RNASEH2C: variants seen among roughly 807,000 people sequenced by gnomAD.
The protein encoded by RNASEH2C is ribonuclease H2 subunit C.
RNASEH2C carries 20 observed loss-of-function variants against 16.3 expected under a neutral mutation model. The observed-to-expected ratio is 1.23, with a 90% confidence interval of 0.86 to 1.79. The LOEUF (loss-of-function observed/expected upper bound fraction) is 1.79, where lower values mean the gene tolerates loss of function less well. Among genes scored for constraint, RNASEH2C ranks in the 40% most tolerant of loss-of-function variants. The pLI is 0.00. For missense variants in RNASEH2C, 296 were observed against 235.9 expected (o/e 1.25, Z -1.67); for synonymous variants, 106 against 98.9 (o/e 1.07, Z -0.43).
At position 65,719,483 on chromosome 11, in the gene RNASEH2C, C is replaced by T; in HGVS notation, c.*300G>A. 1.6e-6 allele frequency: 1 copy of T among 608,674 alleles called. No individual in the cohort carries two copies. The highest frequency in any genetic ancestry group is 2.9e-6 in the Non-Finnish European group (1 of 345,372). 37.7% of individuals were successfully genotyped at this position (608,674 alleles called of 1,614,324 possible). ...GGATGGGGGAGCTCTGTACAGAGGG[C>T]TGGTGATTGTAAAAATTTCTTTTGT... On this transcript the variant is annotated 3_prime_UTR_variant, in exon 4 of 4. Coordinates refer to ENST00000308418, the MANE Select transcript of RNASEH2C (RefSeq NM_032193.4).
chr11:65,720,254 C>T lies in RNASEH2C; in HGVS notation c.336G>A (p.Leu112=), dbSNP rs762686846. ...SGTDDQEEEP[L]ERDFDRFIGA... ...TCCCTTTGCTCACGAAGTCCCGCTC[C>T]AGCGGCTCCTCCTCTTGGTCGTCAG... Residue 112 remains leucine, a synonymous_variant, in exon 2 of 4, where the codon CTG becomes CTA. Coordinates refer to ENST00000308418, the MANE Select transcript of RNASEH2C (RefSeq NM_032193.4). 4 of 1,614,156 alleles carry T rather than the reference C, an allele frequency of 2.5e-6. No homozygotes were observed. Among genetic ancestry groups the T allele is most frequent in the African/African-American group, 2.7e-5 (2 of 74,960 alleles).
Position 65,719,234 on chromosome 11 carries a change from C to G in RNASEH2C, c.*549G>C. Reference sequence around the variant, plus strand: ...ACGGCAGCAGGACTGGGGCTGATAGCCCACCCCGCCCCCACTGCAGCTCCC... The same window carrying G: ...ACGGCAGCAGGACTGGGGCTGATAGGCCACCCCGCCCCCACTGCAGCTCCC... On this transcript the variant is annotated 3_prime_UTR_variant, in exon 4 of 4. Transcript: ENST00000308418. 1 of 1,588,134 alleles carries G rather than the reference C, an allele frequency of 6.3e-7. No individual in the cohort carries two copies. The highest frequency in any genetic ancestry group is 8.6e-7 in the Non-Finnish European group (1 of 1,166,154).
Position 65,720,649 on chromosome 11 carries a change from G to C in RNASEH2C, c.110C>G (p.Ala37Gly). 1.3e-6 allele frequency: 2 copies of C among 1,577,972 alleles called. No individual in the cohort carries two copies. The highest frequency in any genetic ancestry group is 1.7e-6 in the Non-Finnish European group (2 of 1,165,962). ...CCCCACCGGGGCGGGCCCGTCCACC[G>C]CAACCTCGCAGGGCAGCAGATGCAG... ...ATLHLLPCEV[A>G]VDGPAPVGRF... The change falls in exon 1 of 4, where the codon GCG becomes GGG. Residue 37 changes from alanine (A) to glycine (G), a missense_variant. Ala to Gly is a moderately conservative substitution (Grantham distance 60). Transcript: ENST00000308418.
rs941076637 is a variant in RNASEH2C at position 65,720,412 on chromosome 11, C to T, written c.178G>A (p.Glu60Lys). ...PAIRQGPEGLEVSFRGRCLRG... is the reference protein window; with the variant it reads ...PAIRQGPEGLKVSFRGRCLRG... ...AGACAGCGGCCCCGAAACGACACTT[C>T]GAGTCCTGGAGCGGGAGGCGCAAAG... Residue 60 changes from glutamate to lysine, a missense_variant, in exon 2 of 4, where the codon GAA (glutamate) becomes AAA (lysine). Transcript: ENST00000308418. 8.7e-6 allele frequency: 14 copies of T among 1,613,788 alleles called. No homozygotes were observed. Among genetic ancestry groups the T allele is most frequent in the Admixed American group, 3.3e-5 (2 of 60,014 alleles).
Position 65,719,086 on chromosome 11 carries a change from G to C in RNASEH2C, c.*697C>G. 3 of 1,614,178 alleles carry C rather than the reference G, an allele frequency of 1.9e-6. No homozygotes were observed. Among genetic ancestry groups the C allele is most frequent in the Non-Finnish European group, 2.5e-6 (3 of 1,180,030 alleles). ...CACACTGTCAGAGGACATCGTGGAT[G>C]GCCATGAGCGGGCCATGCTCAAGCG... On this transcript the variant is annotated 3_prime_UTR_variant, in exon 4 of 4. Coordinates refer to ENST00000308418, the MANE Select transcript of RNASEH2C (RefSeq NM_032193.4).
rs771086438 is a variant in RNASEH2C at position 65,720,711 on chromosome 11, C to G, written c.48G>C (p.Leu16Phe). The G allele has an allele frequency of 6.3e-7, 1 of 1,597,418 alleles. No individual in the cohort carries two copies. Among genetic ancestry groups the G allele is most frequent in the East Asian group, 2.3e-5 (1 of 44,120 alleles). Residue 16 changes from leucine to phenylalanine, a missense_variant, in exon 1 of 4, where the codon TTG becomes TTC. Transcript: ENST00000308418. ...CGGCGTCGCGCAATGTGGCGGAGCGCAAGTGGACGCGGTGCCTCTCGATGG... is the reference window on the plus strand; with the variant it reads ...CGGCGTCGCGCAATGTGGCGGAGCGGAAGTGGACGCGGTGCCTCTCGATGG... ...EAAIERHRVH[L>F]RSATLRDAVP...
At position 65,718,411 on chromosome 11, in the gene RNASEH2C, G is replaced by A; in HGVS notation, c.*1372C>T. On this transcript the variant is annotated 3_prime_UTR_variant, in exon 4 of 4. Transcript: ENST00000308418. ...CTCCACTGTGCTCAGCGCACGGAAA[G>A]AGTGAATACTCAGTTCTTCCTGAGG... 1 of 665,708 alleles carries A rather than the reference G, an allele frequency of 1.5e-6. No individual in the cohort carries two copies. Among genetic ancestry groups the A allele is most frequent in the Non-Finnish European group, 2.6e-6 (1 of 379,504 alleles). 41.2% of individuals were successfully genotyped at this position (665,708 alleles called of 1,614,324 possible).
At position 65,720,379 on chromosome 11, in the gene RNASEH2C, C is replaced by G; in HGVS notation, c.211G>C (p.Glu71Gln). 2 of 1,614,218 alleles carry G rather than the reference C, an allele frequency of 1.2e-6. No individual in the cohort carries two copies. The highest frequency in any genetic ancestry group is 1.7e-6 in the Non-Finnish European group (2 of 1,180,052). ...VSFRGRCLRGEEVAVPPGLVG... is the reference protein window; with the variant it reads ...VSFRGRCLRGQEVAVPPGLVG... ...AGGCCAGGCGGCACCGCCACCTCCT[C>G]TCCCCGTAGACAGCGGCCCCGAAAC... is the stretch of plus-strand genomic sequence containing the variant. Residue 71 changes from glutamate (E) to glutamine (Q), a missense_variant, in exon 2 of 4, where the codon GAG (glutamate) becomes CAG (glutamine). Transcript: ENST00000308418.
intron 1 of RNASEH2C, 45 bp downstream of exon 1, chr11:65,720,542 C>T (rs1565213625): frequency 6.6e-7 from 1 of 1,526,382 alleles, no homozygotes; most frequent in Admixed American, 2.0e-5. Flanking sequence ...GCGCGCAGGC[C>T]GGCGCGGGGG....
Position 65,719,815 on chromosome 11 carries a change from A to C in RNASEH2C, c.469-6T>G, listed in dbSNP as rs1565212930. The stretch of plus-strand genomic sequence containing the variant: ...TCGGGCACCTGTGCGTGAATCTGCA[A>C]CAGGAGTCGCCTCTACTGTTGGACT... On this transcript the variant is annotated splice_region_variant and splice_polypyrimidine_tract_variant and intron_variant, in intron 3 of 3. Coordinates refer to ENST00000308418, the MANE Select transcript of RNASEH2C (RefSeq NM_032193.4). 1 of 1,614,150 alleles carries C rather than the reference A, an allele frequency of 6.2e-7. No homozygotes were observed. Among genetic ancestry groups the C allele is most frequent in the Non-Finnish European group, 8.5e-7 (1 of 1,180,022 alleles).
rs112903919 is a variant in RNASEH2C, at chr11:65,718,776, G to A, written c.*1007C>T. 2.5e-6 allele frequency: 4 copies of A among 1,613,982 alleles called. No homozygotes were observed. Among genetic ancestry groups the A allele is most frequent in the Non-Finnish European group, 2.5e-6 (3 of 1,179,962 alleles). On this transcript the variant is annotated 3_prime_UTR_variant, in exon 4 of 4. Coordinates refer to ENST00000308418, the MANE Select transcript of RNASEH2C (RefSeq NM_032193.4). ...TGAGCCTGGCGCTGTCTACCTGGGG[G>A]TACATGGCATGGCTTGTCTGTTCCT...
rs749020058 is a variant in RNASEH2C, at chr11:65,720,690, G to A, written c.69C>T (p.Asp23=). The A allele has an allele frequency of 7.8e-5, 124 of 1,587,052 alleles. No homozygotes were observed. The highest frequency in any genetic ancestry group is 5.6e-4 in the Middle Eastern group (3 of 5,348). The change falls in exon 1 of 4, where the codon GAC becomes GAT. Residue 23 remains aspartate (D), a synonymous_variant. Coordinates refer to ENST00000308418, the MANE Select transcript of RNASEH2C (RefSeq NM_032193.4). ...RVHLRSATLR[D]AVPATLHLLP... is the part of the protein sequence containing the mutation. ...GCAGATGCAGTGTGGCGGGTACGGC[G>A]TCGCGCAATGTGGCGGAGCGCAAGT... is the stretch of plus-strand genomic sequence containing the variant.
At position 65,717,910 on chromosome 11, in the gene RNASEH2C, CACTG is replaced by C; in HGVS notation, c.*1869_*1872del. 1 of 152,570 alleles carries C rather than the reference CACTG, an allele frequency of 6.6e-6. No individual in the cohort carries two copies. The highest frequency in any genetic ancestry group is 1.5e-5 in the Non-Finnish European group (1 of 68,368). 9.5% of individuals were successfully genotyped at this position (152,570 alleles called of 1,614,324 possible). A position where few individuals can be genotyped will look rare whatever the true frequency, so the allele number is the denominator to read the frequency against. Reference sequence around the variant, plus strand: ...GGTCCCTGACTGGGGAGAATGAAGACACTGACCAAGAGATGTGAAGCCACTCAGG... The same window carrying C: ...GGTCCCTGACTGGGGAGAATGAAGACACCAAGAGATGTGAAGCCACTCAGG... On this transcript the variant is annotated 3_prime_UTR_variant, in exon 4 of 4. Transcript: ENST00000308418.
At position 65,719,139 on chromosome 11, in the gene RNASEH2C, G is replaced by A. The variant is rs778146398; in HGVS notation, c.*644C>T. 1 of 1,614,190 alleles carries A rather than the reference G, an allele frequency of 6.2e-7. No individual in the cohort carries two copies. Among genetic ancestry groups the A allele is most frequent in the South Asian group, 1.1e-5 (1 of 91,084 alleles). On this transcript the variant is annotated 3_prime_UTR_variant, in exon 4 of 4. Transcript: ENST00000308418. ...TCCTGCGGATCGACTCCAAGTGTCTGCACTTCACTCCCAAGGACTGGAGCA... is the reference window on the plus strand; with the variant it reads ...TCCTGCGGATCGACTCCAAGTGTCTACACTTCACTCCCAAGGACTGGAGCA...
chr11:65,718,967 G>A lies in RNASEH2C; in HGVS notation c.*816C>T. ...CAACTACTACAAGGTAGGGAGGCAG[G>A]CAGGGGAGACAGGTGTGTGGGATGC... On this transcript the variant is annotated 3_prime_UTR_variant, in exon 4 of 4. Transcript: ENST00000308418. The A allele has an allele frequency of 1.2e-6, 2 of 1,614,130 alleles. No individual in the cohort carries two copies. The highest frequency in any genetic ancestry group is 1.7e-6 in the Non-Finnish European group (2 of 1,179,980).
Position 65,720,603 on chromosome 11 carries a change from G to A in RNASEH2C, c.156C>T (p.Ile52=). The change falls in exon 1 of 4, where the codon ATC becomes ATT. Residue 52 remains isoleucine, a synonymous_variant. Coordinates refer to ENST00000308418, the MANE Select transcript of RNASEH2C (RefSeq NM_032193.4). ...AGGGCTCACCCTCGGGGCCCTGGCG[G>A]ATGGCGGGCGTGAAGAAGCGCCCCA... ...APVGRFFTPA[I]RQGPEGLEVS... 1 of 1,540,830 alleles carries A rather than the reference G, an allele frequency of 6.5e-7. No individual in the cohort carries two copies. The highest frequency in any genetic ancestry group is 2.4e-5 in the East Asian group (1 of 40,990).
chr11:65,720,255 A>G lies in RNASEH2C; in HGVS notation c.335T>C (p.Leu112Pro). ...SGTDDQEEEP[L>P]ERDFDRFIGA... ...CCCTTTGCTCACGAAGTCCCGCTCC[A>G]GCGGCTCCTCCTCTTGGTCGTCAGT... The change falls in exon 2 of 4, where the codon CTG becomes CCG. Residue 112 changes from leucine (L) to proline (P), a missense_variant. Coordinates refer to ENST00000308418, the MANE Select transcript of RNASEH2C (RefSeq NM_032193.4). 6.2e-7 allele frequency: 1 copy of G among 1,614,214 alleles called. No individual in the cohort carries two copies. Among genetic ancestry groups the G allele is most frequent in the Non-Finnish European group, 8.5e-7 (1 of 1,180,032 alleles).
rs375915791 is a variant in RNASEH2C at position 65,720,160 on chromosome 11, C to G, written c.353G>C (p.Arg118Pro). The G allele has an allele frequency of 3.7e-6, 6 of 1,614,236 alleles. No homozygotes were observed. Among genetic ancestry groups the G allele is most frequent in the South Asian group, 1.1e-5 (1 of 91,086 alleles). Reference sequence around the variant, plus strand: ...GAAGTTGGCAGTGGCTCCAATGAAGCGGTCCTGGGGAAGGGGCCTGGCTCA... The same window carrying G: ...GAAGTTGGCAGTGGCTCCAATGAAGGGGTCCTGGGGAAGGGGCCTGGCTCA... The part of the protein sequence containing the change: ...EEEPLERDFD[R>P]FIGATANFSR... Residue 118 changes from arginine to proline, a missense_variant, in exon 3 of 4, where the codon CGC becomes CCC. By Grantham distance (103) the Arg-to-Pro change is moderately radical. Coordinates refer to ENST00000308418, the MANE Select transcript of RNASEH2C (RefSeq NM_032193.4).
chr11:65,719,919 AG>A (rs753419837), intron 3 of RNASEH2C, 110 bp from the exon 4 acceptor site: 2 of 1,601,076 alleles, frequency 1.2e-6, no homozygotes, highest in Non-Finnish European at 1.7e-6. Flanking sequence ...TAGACATGCT[AG>A]GAAGAGTGGT....
Sources: allele counts gnomAD v4.1 joint callset, GRCh38; gene constraint gnomAD v4.1.1; transcripts MANE v1.5; gene names NCBI Gene and HGNC (gene_info 2026-07-23, HGNC 2026-07-21).